The following OPCML variants were observed in gnomAD, a reference collection of about 807,000 sequenced individuals.
OPCML encodes opioid-binding protein/cell adhesion molecule.
In OPCML, 13 loss-of-function variants were observed where a neutral mutation model predicts 37.8. That is an observed-to-expected ratio of 0.34 (90% CI 0.22 to 0.55). The LOEUF (loss-of-function observed/expected upper bound fraction) is 0.55, where lower values mean the gene tolerates loss of function less well. Ranked by LOEUF, OPCML falls within the 20% of genes least tolerant of loss-of-function variation. OPCML has a pLI of 0.91. For missense variants in OPCML, 341 were observed against 435.6 expected (o/e 0.78, Z 1.93); for synonymous variants, 176 against 168.8 (o/e 1.04, Z -0.33).
chr11:133,188,740 C>T (rs1490203178), intron 1 of OPCML, among the ~76,000 whole-genome samples: 2 of 151,990 alleles, frequency 1.3e-5, no homozygotes, highest in East Asian at 1.9e-4. Context: ...AGTTTATGTT[C>T]CCCAAAATTT....
At chr11:133,492,450 G>A (rs1947684905) in intron 1 of OPCML, among the ~76,000 whole-genome samples, 1 of 152,082 alleles carries the variant, frequency 6.6e-6, no homozygotes, top group Non-Finnish European at 1.5e-5. Flanking sequence ...AGCAAAGGGA[G>A]GAACAACCCA....
chr11:133,218,321 T>A (rs1006483431), intron 1 of OPCML, among the ~76,000 whole-genome samples: 1 of 152,034 alleles, frequency 6.6e-6, no homozygotes, highest in Non-Finnish European at 1.5e-5. Flanking sequence ...GAGAGGAGAA[T>A]TACAGTTTGT....
intron 2 of OPCML, among the ~76,000 whole-genome samples, chr11:132,905,295 G>A (rs1944202318): frequency 7.6e-6 from 1 of 131,236 alleles, no homozygotes; most frequent in Non-Finnish European, 1.6e-5. Flanking sequence ...GCAGTGGCAT[G>A]ATCTTGGCTC....
At chr11:132,424,309 C>T (rs773846754) in intron 7 of OPCML, among the ~76,000 whole-genome samples, 1 of 151,976 alleles carries the variant, frequency 6.6e-6, no homozygotes. Context: ...TTAGTAGAGA[C>T]GGGGTTTCAC....
intron 1 of OPCML, among the ~76,000 whole-genome samples, chr11:133,262,949 G>A (rs913058805): frequency 3.3e-5 from 5 of 151,834 alleles, no homozygotes; most frequent in African/African-American, 1.2e-4. Context: ...CCTAAAGAGA[G>A]CTGGGGAAGA....
intron 2 of OPCML, among the ~76,000 whole-genome samples, chr11:132,701,113 G>C (rs1943795629): frequency 6.6e-6 from 1 of 152,194 alleles, no homozygotes; most frequent in Non-Finnish European, 1.5e-5. Flanking sequence ...ATAAAGGAAA[G>C]AGGTTTAATG....
intron 1 of OPCML, among the ~76,000 whole-genome samples, chr11:133,232,788 C>A (rs12577796): frequency 0.15 from 22,341 of 152,068 alleles, 2,351 homozygotes; most frequent in East Asian, 0.53. Context: ...AGGGGAAAAG[C>A]GACCCTCACC....
At chr11:133,159,852 C>A (rs955540918) in intron 1 of OPCML, among the ~76,000 whole-genome samples, 2 of 152,206 alleles carry the variant, frequency 1.3e-5, no homozygotes, top group African/African-American at 4.8e-5. Flanking sequence ...GAGTTCTCAT[C>A]CACAGGGCTT....
At chr11:132,928,035 G>A (rs528853490) in intron 2 of OPCML, among the ~76,000 whole-genome samples, 3 of 151,894 alleles carry the variant, frequency 2.0e-5, no homozygotes, top group East Asian at 3.9e-4. Context: ...AAACACAAAC[G>A]AAGGCAGTAA....
chr11:133,348,833 G>GC (rs1031881501), intron 1 of OPCML, among the ~76,000 whole-genome samples: 4 of 152,250 alleles, frequency 2.6e-5, no homozygotes, highest in South Asian at 2.1e-4. Flanking sequence ...TAATTATGAA[G>GC]CCCCTACCAT....
intron 2 of OPCML, among the ~76,000 whole-genome samples, chr11:132,728,493 C>T (rs186702522): frequency 3.5e-4 from 53 of 152,244 alleles, no homozygotes; most frequent in Middle Eastern, 3.4e-3. Flanking sequence ...ATAATAATAA[C>T]AGTATATACT....
In OPCML at chr11:133,375,642, C is replaced by T. The variant is rs1233626156; in HGVS notation, c.61+156622G>A. ...TCTCCTGAGTGCCTACTATACTCTGCCTTCTCCTTGTACTTACACTTATCT... is the reference window on the plus strand; with the variant it reads ...TCTCCTGAGTGCCTACTATACTCTGTCTTCTCCTTGTACTTACACTTATCT... On this transcript the variant is annotated intron_variant, in intron 1 of 7. Transcript: ENST00000524381. 2.6e-5 allele frequency among the ~76,000 whole-genome samples: 4 copies of T among 152,200 alleles called. No individual in the cohort carries two copies. In the East Asian group the frequency reaches 5.8e-4, roughly 22 times the overall value.
chr11:133,461,311 A>G (rs1228062987), intron 1 of OPCML, among the ~76,000 whole-genome samples: 2 of 151,884 alleles, frequency 1.3e-5, no homozygotes, highest in Non-Finnish European at 2.9e-5. Context: ...ACACCATCTT[A>G]TAGGTAAAAA....
intron 1 of OPCML, among the ~76,000 whole-genome samples, chr11:133,499,451 C>T (rs1228017875): frequency 1.3e-5 from 2 of 152,108 alleles, no homozygotes. Flanking sequence ...TGATCCCTGG[C>T]CTCCCCTCCT....
chr11:132,891,991 ACT>A (rs1171491858), intron 2 of OPCML, among the ~76,000 whole-genome samples: 1 of 151,990 alleles, frequency 6.6e-6, no homozygotes, highest in East Asian at 1.9e-4. Context: ...TCAAGGACCC[ACT>A]GCATGGATTT....
At chr11:133,423,986 C>T (rs1441606863) in intron 1 of OPCML, among the ~76,000 whole-genome samples, 4 of 152,186 alleles carry the variant, frequency 2.6e-5, no homozygotes, top group Admixed American at 6.5e-5. Flanking sequence ...CCATGCTTCT[C>T]GTACATCCTG....
chr11:132,598,455 G>A (rs765577862), intron 3 of OPCML, among the ~76,000 whole-genome samples: 8 of 151,976 alleles, frequency 5.3e-5, no homozygotes, highest in Admixed American at 1.3e-4. Flanking sequence ...TCCAACGCAC[G>A]CCATTTCTAT....
chr11:132,754,921 T>G (rs772673126), intron 2 of OPCML, among the ~76,000 whole-genome samples: 1 of 152,088 alleles, frequency 6.6e-6, no homozygotes, highest in Non-Finnish European at 1.5e-5. Flanking sequence ...GTGGGATGCA[T>G]GGGAGGGAAA....
intron 1 of OPCML, among the ~76,000 whole-genome samples, chr11:133,093,504 C>A (rs1455409684): frequency 6.6e-6 from 1 of 152,150 alleles, no homozygotes; most frequent in African/African-American, 2.4e-5. Flanking sequence ...ATGTGCCCAG[C>A]ACAAACGTAG....
Sources: gnomAD v4.1 joint callset for allele counts (sites outside exome capture counted in the v4.1 genomes callset) on GRCh38, gnomAD v4.1.1 for gene constraint, MANE v1.5 for transcripts, NCBI Gene and HGNC (gene_info 2026-07-23, HGNC 2026-07-21) for gene names.